The following DISC1 variants were observed in gnomAD, a reference collection of about 807,000 sequenced individuals.
DISC1 encodes DISC1 scaffold protein.
DISC1 carries 57 observed loss-of-function variants against 84.5 expected under a neutral mutation model. The ratio of observed to expected loss-of-function variants is 0.67; its 90% confidence interval spans 0.55 to 0.84. The LOEUF is 0.84. DISC1 is among the 40% of genes least tolerant of loss of function. The pLI, the probability that DISC1 is intolerant of heterozygous loss-of-function variation, is 0.00. For missense variants in DISC1, 1,000 were observed against 1,057.8 expected (o/e 0.95, Z 0.76); for synonymous variants, 411 against 415.2 (o/e 0.99, Z 0.12).
At chr1:231,749,815 T>C in intron 3 of DISC1, 111 bp from the exon 4 acceptor site, 2 of 1,426,144 alleles carry the variant, frequency 1.4e-6, no homozygotes, top group Non-Finnish European at 2.0e-6. Context: ...AACCTTGTCA[T>C]GATGTCATTA....
In DISC1 at chr1:232,036,618, C is replaced by G. The variant is rs199513557; in HGVS notation, c.2426-74C>G. 1.2e-4 allele frequency: 164 copies of G among 1,380,184 alleles called. 1 individual carries two copies. Among genetic ancestry groups the G allele is most frequent in the Admixed American group, 8.6e-4 (34 of 39,482 alleles). The allele number at this position is 1,380,184 out of a possible 1,614,324, so 85.5% of individuals were successfully genotyped here. A position where few individuals can be genotyped will look rare whatever the true frequency, so the allele number is the denominator to read the frequency against. On this transcript the variant is annotated intron_variant, in intron 12 of 12. Transcript: ENST00000439617. ...TACCCATCTGCTTCCAGCAGGCTCA[C>G]ACGCTCTTCGATCCCTCGGAGGCCG... is the stretch of plus-strand genomic sequence containing the variant.
chr1:231,716,886 A>G (rs2125066651), intron 3 of DISC1, among the ~76,000 whole-genome samples: 1 of 152,226 alleles, frequency 6.6e-6, no homozygotes. Flanking sequence ...GATGGACTGG[A>G]CAGCTAATTT....
At chr1:231,729,560 G>T (rs2071235549) in intron 3 of DISC1, among the ~76,000 whole-genome samples, 4 of 152,252 alleles carry the variant, frequency 2.6e-5, no homozygotes, top group African/African-American at 9.6e-5. Flanking sequence ...TGTTTTATTT[G>T]TATTGCTGCT....
At chr1:231,905,729 CT>C (rs1385752878) in intron 9 of DISC1, among the ~76,000 whole-genome samples, 1 of 151,936 alleles carries the variant, frequency 6.6e-6, no homozygotes, top group Non-Finnish European at 1.5e-5. Context: ...ATGGGGGACC[CT>C]TTTGTTGTTA....
chr1:231,872,529 G>A (rs1217171813), intron 9 of DISC1, among the ~76,000 whole-genome samples: 1 of 152,056 alleles, frequency 6.6e-6, no homozygotes, highest in African/African-American at 2.4e-5. Context: ...ATCATAGATT[G>A]GAAAATGCCT....
At chr1:231,900,571 A>C (rs1009943571) in intron 9 of DISC1, among the ~76,000 whole-genome samples, 2 of 152,212 alleles carry the variant, frequency 1.3e-5, no homozygotes, top group Non-Finnish European at 2.9e-5. Flanking sequence ...GGGTTTGTGA[A>C]CCGTTATATT....
chr1:231,986,589 GAAAC>G (rs113708200), intron 10 of DISC1, among the ~76,000 whole-genome samples: 18 of 152,162 alleles, frequency 1.2e-4, no homozygotes, highest in Non-Finnish European at 1.6e-4. Context: ...ATATCAGTAG[GAAAC>G]AAACAGAGAA....
At chr1:231,968,776 T>A (rs1661484012) in intron 10 of DISC1, among the ~76,000 whole-genome samples, 1 of 151,924 alleles carries the variant, frequency 6.6e-6, no homozygotes. Context: ...GCCTCATGAG[T>A]AACCCCTCTC....
At chr1:231,811,459 C>T (rs983021726) in intron 8 of DISC1, among the ~76,000 whole-genome samples, 3 of 152,210 alleles carry the variant, frequency 2.0e-5, no homozygotes, top group African/African-American at 7.2e-5. Context: ...TCTGGTGTCA[C>T]GCAAGACAAA....
At chr1:231,767,076 T>C in intron 4 of DISC1, 64 bp from the exon 5 acceptor site, 1 of 1,600,042 alleles carries the variant, frequency 6.2e-7, no homozygotes, top group African/African-American at 1.3e-5. Flanking sequence ...ACTCTTAAAA[T>C]ACTTGTCAAC....
intron 1 of DISC1, among the ~76,000 whole-genome samples, chr1:231,679,075 G>A (rs901787715): frequency 1.3e-5 from 2 of 152,170 alleles, no homozygotes; most frequent in East Asian, 1.9e-4. Flanking sequence ...TCACATGGGC[G>A]ACTTGAATTC....
intron 3 of DISC1, chr1:231,722,557 G>A: frequency 6.2e-7 from 1 of 1,614,134 alleles, no homozygotes; most frequent in Non-Finnish European, 8.5e-7. Flanking sequence ...AATTGCTTTG[G>A]ATCCACCATG....
chr1:231,685,244 A>C (rs1315169666), intron 1 of DISC1: 1 of 152,198 alleles, frequency 6.6e-6, no homozygotes, highest in East Asian at 1.9e-4. Context: ...ATATGTGTTT[A>C]TAAATATTTC....
At chr1:231,747,528 A>G (rs983231184) in intron 3 of DISC1, among the ~76,000 whole-genome samples, 6 of 152,172 alleles carry the variant, frequency 3.9e-5, no homozygotes, top group Non-Finnish European at 8.8e-5. Context: ...TTCCCCGATT[A>G]GTGTTTGGAA....
chr1:231,741,112 C>G (rs984202851), intron 3 of DISC1, among the ~76,000 whole-genome samples: 2 of 152,170 alleles, frequency 1.3e-5, no homozygotes, highest in Admixed American at 1.3e-4. Flanking sequence ...AGAGATCAGA[C>G]AGAGAGTAAT....
At chr1:231,851,100 C>T (rs768614954) in intron 9 of DISC1, among the ~76,000 whole-genome samples, 22 of 152,162 alleles carry the variant, frequency 1.4e-4, no homozygotes, top group African/African-American at 3.6e-4. Flanking sequence ...ACTTACTGAG[C>T]GCTTCTCCTG....
intron 10 of DISC1, chr1:231,959,092 G>A (rs1660030996): frequency 7.4e-7 from 1 of 1,349,398 alleles, no homozygotes; most frequent in Non-Finnish European, 9.5e-7. Flanking sequence ...AGTAGATTAA[G>A]ATGTTTAAAA....
At chr1:231,839,593 G>A (rs957265347) in intron 9 of DISC1, among the ~76,000 whole-genome samples, 1 of 152,126 alleles carries the variant, frequency 6.6e-6, no homozygotes, top group African/African-American at 2.4e-5. Flanking sequence ...CTTGGTTTCT[G>A]TATCCTCCAC....
chr1:231,819,282 G>A (rs190738114), intron 9 of DISC1: 50 of 480,020 alleles, frequency 1.0e-4, no homozygotes, highest in Admixed American at 5.8e-4. Flanking sequence ...AAGAAAAAAC[G>A]GGGCTGATAG....
Sources: gnomAD v4.1 joint callset for allele counts (sites outside exome capture counted in the v4.1 genomes callset) on GRCh38, gnomAD v4.1.1 for gene constraint, MANE v1.5 for transcripts, NCBI Gene and HGNC (gene_info 2026-07-23, HGNC 2026-07-21) for gene names.